Variants in LRCH2 observed in about 807,000 individuals in gnomAD.
The protein encoded by LRCH2 is leucine rich repeats and calponin homology domain containing 2.
Under a neutral mutation model 68.9 loss-of-function variants are expected in LRCH2, and 38 were observed. That is an observed-to-expected ratio of 0.55 (90% CI 0.43 to 0.72). LRCH2 has a LOEUF of 0.72. LRCH2 is among the 30% of genes least tolerant of loss of function. The pLI is 0.00. For missense variants in LRCH2, 528 were observed against 572.9 expected (o/e 0.92, Z 0.80); for synonymous variants, 191 against 208.1 (o/e 0.92, Z 0.71).
intron 1 of LRCH2, among the ~76,000 whole-genome samples, chrX:115,218,776 T>C (rs1383444305): frequency 1.8e-5 from 2 of 112,078 alleles, no homozygotes; most frequent in Non-Finnish European, 3.8e-5. Flanking sequence ...ACATTCTGTA[T>C]CGGGGCTGTG....
rs1159580529 is a variant in LRCH2 at position 115,111,332 on chromosome X, A to C, written c.*1884T>G. ...ATTTCACTACTACTTCAAAGATATG[A>C]AACAGGACAACACTTGTAAAATAAT... is the stretch of plus-strand genomic sequence containing the variant. On this transcript the variant is annotated 3_prime_UTR_variant, in exon 21 of 21. Transcript: ENST00000317135. 1 of 111,191 alleles carries C rather than the reference A, an allele frequency of 9.0e-6. No homozygotes were observed. The highest frequency in any genetic ancestry group is 1.9e-5 in the Non-Finnish European group (1 of 53,047). The allele number at this position is 111,191 out of a possible 1,213,427, so 9.2% of individuals were successfully genotyped here. A position where few individuals can be genotyped will look rare whatever the true frequency, so the allele number is the denominator to read the frequency against.
intron 16 of LRCH2, among the ~76,000 whole-genome samples, chrX:115,124,784 T>A (rs1556527036): frequency 8.9e-6 from 1 of 111,764 alleles, no homozygotes; most frequent in African/African-American, 3.3e-5. Context: ...AAGTTACCCA[T>A]CTCTTCAGCT....
intron 5 of LRCH2, among the ~76,000 whole-genome samples, chrX:115,174,683 T>C (rs1265945422): frequency 2.7e-5 from 3 of 109,651 alleles, no homozygotes; most frequent in African/African-American, 1.0e-4. Flanking sequence ...TTGACTGTAG[T>C]GAATAATGTT....
chrX:115,191,906 G>A (rs1556560435), intron 1 of LRCH2: 5 of 1,165,432 alleles, frequency 4.3e-6, no homozygotes, highest in East Asian at 3.3e-5. Context: ...GAGGAGAACC[G>A]AGGTCACTCT....
chrX:115,169,905 A>T (rs1466939451), intron 6 of LRCH2, among the ~76,000 whole-genome samples: 1 of 110,833 alleles, frequency 9.0e-6, no homozygotes, highest in African/African-American at 3.3e-5. Flanking sequence ...AGACATAAAG[A>T]CTATGATGAA....
chrX:115,207,677 C>A (rs782023916), intron 1 of LRCH2, among the ~76,000 whole-genome samples: 7 of 112,266 alleles, frequency 6.2e-5, no homozygotes, highest in Admixed American at 1.9e-4. Context: ...AAATGGTTCA[C>A]CTTTTCCACA....
At chrX:115,188,410 C>G in intron 1 of LRCH2, 40 bp from the exon 2 acceptor site, 1 of 941,522 alleles carries the variant, frequency 1.1e-6, no homozygotes. Context: ...ATACCTATAT[C>G]TATGGTAATT....
intron 14 of LRCH2, among the ~76,000 whole-genome samples, 153 bp downstream of exon 14, chrX:115,149,674 T>C (rs2072416636): frequency 8.9e-6 from 1 of 111,813 alleles, no homozygotes; most frequent in African/African-American, 3.2e-5. Flanking sequence ...TGGATATAAT[T>C]AGATTGTATT....
chrX:115,174,465 A>T lies in LRCH2; in HGVS notation c.865-4033T>A, dbSNP rs374343956. 3.7e-5 allele frequency among the ~76,000 whole-genome samples: 4 copies of T among 107,828 alleles called. No homozygotes were observed. The South Asian group carries it at 1.3e-3, about 34-fold the overall frequency. 93.6% of individuals were successfully genotyped at this position (107,828 alleles called of 115,157 possible). ...CCACATATACGTGAGATCACACAGC[A>T]TTTATCTTTCTGTGTCAGGCTTATT... On this transcript the variant is annotated intron_variant, in intron 5 of 20. Coordinates refer to ENST00000317135, the MANE Select transcript of LRCH2 (RefSeq NM_020871.4).
At chrX:115,115,192 T>G (rs2072072110) in intron 20 of LRCH2, among the ~76,000 whole-genome samples, 1 of 110,572 alleles carries the variant, frequency 9.0e-6, no homozygotes, top group African/African-American at 3.3e-5. Context: ...TTGCAGAAAT[T>G]GACAAGCTAA....
chrX:115,225,841 G>C (rs1419377064), intron 1 of LRCH2, among the ~76,000 whole-genome samples: 10 of 111,954 alleles, frequency 8.9e-5, no homozygotes, highest in African/African-American at 3.2e-4. Context: ...TCTGAAGAAA[G>C]GTTAACATCA....
chrX:115,227,119 T>C (rs1433084694), intron 1 of LRCH2, among the ~76,000 whole-genome samples: 10 of 110,241 alleles, frequency 9.1e-5, no homozygotes, highest in Non-Finnish European at 1.9e-4. Flanking sequence ...AACCCCCAAA[T>C]TGTGATAATC....
intron 1 of LRCH2, chrX:115,190,566 C>T (rs782361824): frequency 7.1e-5 from 80 of 1,120,479 alleles, no homozygotes; most frequent in African/African-American, 2.0e-4. Flanking sequence ...GTTCCAGTAA[C>T]GGTTACAGCC....
Position 115,159,287 on chromosome X carries a change from CTTG to C in LRCH2, c.1464-2623_1464-2621del, listed in dbSNP as rs782768716. 1.9e-4 allele frequency among the ~76,000 whole-genome samples: 21 copies of C among 110,088 alleles called. No individual in the cohort carries two copies. In the South Asian group the frequency reaches 7.8e-3, roughly 41 times the overall value. Reference sequence around the variant, plus strand: ...TTAAGATAATGATTTTTTTTCAAGACTTGTTTTTATTTCCCAAAATAATAGTGA... The same window carrying C: ...TTAAGATAATGATTTTTTTTCAAGACTTTTTATTTCCCAAAATAATAGTGA... On this transcript the variant is annotated intron_variant, in intron 11 of 20. Transcript: ENST00000317135.
intron 1 of LRCH2, among the ~76,000 whole-genome samples, chrX:115,225,632 C>T (rs1311478654): frequency 9.0e-6 from 1 of 111,514 alleles, no homozygotes; most frequent in Non-Finnish European, 1.9e-5. Flanking sequence ...ATTTGTCCAT[C>T]AAAACACCCC....
chrX:115,190,946 A>G (rs1156272312), intron 1 of LRCH2: 3 of 1,164,031 alleles, frequency 2.6e-6, no homozygotes, highest in East Asian at 6.6e-5. Flanking sequence ...AGCTGGAGCG[A>G]CCGCTACGGA....
intron 1 of LRCH2, among the ~76,000 whole-genome samples, chrX:115,204,872 C>T (rs1198496888): frequency 8.9e-6 from 1 of 111,927 alleles, no homozygotes; most frequent in Non-Finnish European, 1.9e-5. Flanking sequence ...CCAACCTCTG[C>T]CCATTACCCA....
intron 20 of LRCH2, among the ~76,000 whole-genome samples, chrX:115,114,097 C>T (rs781988813): frequency 2.7e-5 from 3 of 111,491 alleles, no homozygotes; most frequent in African/African-American, 6.5e-5. Context: ...ATCTAACAGA[C>T]ATATCAAAAT....
chrX:115,174,049 A>G (rs1416765901), intron 5 of LRCH2, among the ~76,000 whole-genome samples: 1 of 111,727 alleles, frequency 9.0e-6, no homozygotes, highest in Non-Finnish European at 1.9e-5. Flanking sequence ...TTAGCAGCTA[A>G]GTTTTTTGTG....
Sources: allele counts gnomAD v4.1 joint callset (sites outside exome capture counted in the v4.1 genomes callset), GRCh38; gene constraint gnomAD v4.1.1; transcripts MANE v1.5; gene names NCBI Gene and HGNC (gene_info 2026-07-23, HGNC 2026-07-21).